The following ZSCAN25 variants were observed in gnomAD, a reference collection of about 807,000 sequenced individuals.
ZSCAN25 encodes the protein zinc finger and SCAN domain containing 25, also known as zinc finger and SCAN domain-containing protein 25.
ZSCAN25 carries 27 observed loss-of-function variants against 38.7 expected under a neutral mutation model. That is an observed-to-expected ratio of 0.70 (90% CI 0.51 to 0.96). The LOEUF (loss-of-function observed/expected upper bound fraction) is 0.96, where lower values mean the gene tolerates loss of function less well. Among genes scored for constraint, ZSCAN25 ranks in the 40% least tolerant of loss-of-function variants. ZSCAN25 has a pLI of 0.00. For missense variants in ZSCAN25, 637 were observed against 705.9 expected (o/e 0.90, Z 1.11); for synonymous variants, 273 against 277.7 (o/e 0.98, Z 0.17).
the ZSCAN25 span, chr7:99,676,224 GA>G: frequency 7.4e-6 from 12 of 1,613,222 alleles, no homozygotes; most frequent in Non-Finnish European, 1.0e-5. Context: ...AAGTGAAACA[GA>G]AATCAGGTCA....
the ZSCAN25 span, among the ~76,000 whole-genome samples, chr7:99,687,989 C>T: frequency 0.017 from 2,582 of 152,196 alleles, 67 homozygotes; most frequent in African/African-American, 0.057. Flanking sequence ...TTTGTCACCA[C>T]CAGGCCTGCC....
At chr7:99,709,258 G>C in the ZSCAN25 span, 2 of 1,613,672 alleles carry the variant, frequency 1.2e-6, no homozygotes, top group African/African-American at 2.7e-5. Context: ...TAGGTGGGTG[G>C]TGCCTGAAAA....
At chr7:99,648,148 C>CT in the ZSCAN25 span, 1 of 1,391,574 alleles carries the variant, frequency 7.2e-7, no homozygotes, top group Non-Finnish European at 9.4e-7. Flanking sequence ...TACACAGACT[C>CT]TGGGAGAGCT....
the ZSCAN25 span, among the ~76,000 whole-genome samples, chr7:99,684,293 G>A: frequency 9.9e-3 from 1,498 of 151,192 alleles, 15 homozygotes; most frequent in Non-Finnish European, 0.014. Context: ...TCAGCCTCCT[G>A]GGTAGCTGAG....
chr7:99,720,468 G>T, the ZSCAN25 span: 1 of 1,599,972 alleles, frequency 6.3e-7, no homozygotes, highest in Non-Finnish European at 8.6e-7. Flanking sequence ...TACAGCTGGA[G>T]CCAAACCCAG....
At chr7:99,733,423 A>C in the ZSCAN25 span, among the ~76,000 whole-genome samples, 5 of 152,178 alleles carry the variant, frequency 3.3e-5, no homozygotes, top group Non-Finnish European at 4.4e-5. Context: ...GCTTTTTGTT[A>C]CAATGAAGAG....
chr7:99,621,743 C>A (rs1806984808), intron 5 of ZSCAN25, 169 bp downstream of exon 5: 1 of 480,472 alleles, frequency 2.1e-6, no homozygotes, highest in East Asian at 3.5e-5. Flanking sequence ...GAAATTGTTT[C>A]TTCTCCCTTT....
the ZSCAN25 span, among the ~76,000 whole-genome samples, chr7:99,693,392 C>T: frequency 6.6e-6 from 1 of 152,198 alleles, no homozygotes; most frequent in Non-Finnish European, 1.5e-5. Flanking sequence ...GTTCTCAGAG[C>T]TCGAATACCG....
At chr7:99,649,970 C>T in the ZSCAN25 span, 3 of 1,418,492 alleles carry the variant, frequency 2.1e-6, no homozygotes, top group Non-Finnish European at 2.9e-6. Flanking sequence ...GTTCTTTGGC[C>T]CATAGAATGA....
At chr7:99,711,524 T>C in the ZSCAN25 span, among the ~76,000 whole-genome samples, 1 of 152,206 alleles carries the variant, frequency 6.6e-6, no homozygotes, top group Admixed American at 6.5e-5. Context: ...ATCCCATCAC[T>C]TTGGGAGGCC....
the ZSCAN25 span, among the ~76,000 whole-genome samples, chr7:99,656,116 G>A: frequency 6.6e-6 from 1 of 152,132 alleles, no homozygotes; most frequent in Non-Finnish European, 1.5e-5. Context: ...CCAACACTAT[G>A]TTGAATAGGA....
chr7:99,661,440 T>C, the ZSCAN25 span, among the ~76,000 whole-genome samples: 1 of 152,176 alleles, frequency 6.6e-6, no homozygotes, highest in African/African-American at 2.4e-5. Flanking sequence ...ACAGCAGAGA[T>C]AGACAAAAAG....
the ZSCAN25 span, among the ~76,000 whole-genome samples, chr7:99,679,128 C>A: frequency 1.5e-4 from 23 of 152,132 alleles, no homozygotes; most frequent in Non-Finnish European, 3.2e-4. Context: ...AATAAATCCT[C>A]GAAACTTCCT....
the ZSCAN25 span, chr7:99,722,456 A>T: frequency 1.5e-6 from 2 of 1,354,596 alleles, no homozygotes; most frequent in Non-Finnish European, 2.1e-6. Flanking sequence ...ACTTGCTGGC[A>T]GTTAGAGGAA....
At chr7:99,717,094 C>T in the ZSCAN25 span, 1 of 1,583,754 alleles carries the variant, frequency 6.3e-7, no homozygotes, top group Non-Finnish European at 8.7e-7. Flanking sequence ...TGGAATAACC[C>T]AACAGCGGGA....
the ZSCAN25 span, among the ~76,000 whole-genome samples, chr7:99,648,664 G>GTT: frequency 6.2e-4 from 87 of 141,422 alleles, no homozygotes; most frequent in Middle Eastern, 3.7e-3. Flanking sequence ...GTGGACTCGT[G>GTT]TTTTTTTTTT....
the ZSCAN25 span, chr7:99,735,081 G>T: frequency 2.5e-6 from 4 of 1,614,022 alleles, no homozygotes; most frequent in Non-Finnish European, 3.4e-6. Flanking sequence ...GCCAAGTTTG[G>T]GATGAGATCC....
At chr7:99,665,916 A>G in the ZSCAN25 span, among the ~76,000 whole-genome samples, 2 of 152,150 alleles carry the variant, frequency 1.3e-5, no homozygotes, top group Admixed American at 6.5e-5. Context: ...ACAATCAAGA[A>G]TGTTCTGGTT....
At chr7:99,632,621 A>T, downstream of ZSCAN25, among the ~76,000 whole-genome samples, 1 of 152,040 alleles carries the variant, frequency 6.6e-6, no homozygotes, top group Non-Finnish European at 1.5e-5. Flanking sequence ...ACATAGTGAG[A>T]CCTCATCTAC....
Sources: allele counts gnomAD v4.1 joint callset (sites outside exome capture counted in the v4.1 genomes callset), GRCh38; gene constraint gnomAD v4.1.1; transcripts MANE v1.5; gene names NCBI Gene and HGNC (gene_info 2026-07-23, HGNC 2026-07-21).